The following PTPRN2 variants were observed in gnomAD, a reference collection of about 807,000 sequenced individuals.
PTPRN2 encodes protein tyrosine phosphatase receptor type N2.
Under a neutral mutation model 118.8 loss-of-function variants are expected in PTPRN2, and 74 were observed. The observed-to-expected ratio is 0.62, with a 90% confidence interval of 0.52 to 0.76. The LOEUF is 0.76. Ranked by LOEUF, PTPRN2 falls within the 30% of genes least tolerant of loss-of-function variation. The pLI is 0.00. For missense variants in PTPRN2, 1,481 were observed against 1,394.4 expected, an observed-to-expected ratio of 1.06 and a Z score of -0.99; for synonymous variants, 641 against 608.0, an observed-to-expected ratio of 1.05 and a Z score of -0.80.
intron 2 of PTPRN2, among the ~76,000 whole-genome samples, chr7:158,370,967 T>C (rs531017198): frequency 2.6e-5 from 4 of 152,312 alleles, no homozygotes; most frequent in East Asian, 1.9e-4. Flanking sequence ...AAACGAACTA[T>C]CACAATGAAA....
At position 157,619,469 on chromosome 7, in the gene PTPRN2, C is replaced by A. The variant is rs568545377; in HGVS notation, c.2344+1893G>T. Among the ~76,000 whole-genome samples, 8 of 152,306 alleles carry A rather than the reference C, an allele frequency of 5.3e-5. No homozygotes were observed. In the South Asian group the frequency reaches 1.5e-3, roughly 28 times the overall value. ...TCCTCTCTGAGGACAGTGGCCAGGCCCCCAGAGCCTGTTAGTAGCCCCCGA... is the reference window on the plus strand; with the variant it reads ...TCCTCTCTGAGGACAGTGGCCAGGCACCCAGAGCCTGTTAGTAGCCCCCGA... On this transcript the variant is annotated intron_variant, in intron 15 of 22. Transcript: ENST00000389418. This position sits in a 1 kb window ranked among gnomAD's most constrained non-coding sequence, Gnocchi z 5.3.
intron 1 of PTPRN2, among the ~76,000 whole-genome samples, chr7:158,585,511 C>G (rs777851124): frequency 6.6e-6 from 1 of 152,194 alleles, no homozygotes; most frequent in African/African-American, 2.4e-5. Flanking sequence ...CCAGTGACAC[C>G]GTGATCAGAG....
At chr7:158,334,112 T>A (rs1443735036) in intron 2 of PTPRN2, among the ~76,000 whole-genome samples, 2 of 54,874 alleles carry the variant, frequency 3.6e-5, no homozygotes, top group Non-Finnish European at 7.9e-5. Flanking sequence ...CCTGCAGACG[T>A]CACTCACACC....
At chr7:158,034,985 C>T (rs1807992678) in intron 11 of PTPRN2, among the ~76,000 whole-genome samples, 1 of 152,246 alleles carries the variant, frequency 6.6e-6, no homozygotes, top group East Asian at 1.9e-4. Flanking sequence ...CTGAGCAAAA[C>T]ATTAGAAAGC....
In PTPRN2 at chr7:158,302,720, T is replaced by C. The variant is rs564196112; in HGVS notation, c.277+14099A>G. Among the ~76,000 whole-genome samples the C allele has an allele frequency of 8.3e-4, 127 of 152,386 alleles. 1 individual carries two copies. The highest frequency in any genetic ancestry group is 2.4e-3 in the Admixed American group (36 of 15,312). ...CATCCGGACTCCAAGGCCACCCTGT[T>C]GTCTCTCCACAATCAATGCTCAGAG... On this transcript the variant is annotated intron_variant, in intron 3 of 22. Coordinates refer to ENST00000389418, the MANE Select transcript of PTPRN2 (RefSeq NM_002847.5).
intron 2 of PTPRN2, among the ~76,000 whole-genome samples, chr7:158,374,911 C>G (rs182576817): frequency 1.3e-5 from 2 of 152,262 alleles, no homozygotes; most frequent in Non-Finnish European, 1.5e-5. Context: ...TACTTCAAGT[C>G]TACAGATTTC....
chr7:158,389,740 G>A (rs538434715), intron 2 of PTPRN2, among the ~76,000 whole-genome samples: 6 of 152,350 alleles, frequency 3.9e-5, no homozygotes, highest in African/African-American at 1.2e-4. Flanking sequence ...ATCATCACGC[G>A]TCGCATTCCC....
intron 1 of PTPRN2, among the ~76,000 whole-genome samples, chr7:158,518,964 G>T (rs1823775641): frequency 6.6e-6 from 1 of 152,114 alleles, no homozygotes; most frequent in Non-Finnish European, 1.5e-5. Flanking sequence ...CAGCCTGGGT[G>T]ACAAAGCAAA....
intron 13 of PTPRN2, among the ~76,000 whole-genome samples, chr7:157,679,085 G>A (rs1263551): frequency 0.065 from 9,951 of 151,978 alleles, 486 homozygotes; most frequent in East Asian, 0.22. Context: ...GTGTGTGTGT[G>A]TACATGTGTG....
intron 1 of PTPRN2, among the ~76,000 whole-genome samples, chr7:158,584,504 C>G (rs1189865761): frequency 6.6e-6 from 1 of 152,164 alleles, no homozygotes; most frequent in African/African-American, 2.4e-5. Context: ...TGGCTACAAG[C>G]AAAGCTGAAT....
chr7:157,581,946 G>A (rs750938624), intron 17 of PTPRN2, among the ~76,000 whole-genome samples: 1 of 152,148 alleles, frequency 6.6e-6, no homozygotes, highest in African/African-American at 2.4e-5. Flanking sequence ...GGCCACCCAC[G>A]CCACACCCCT....
intron 2 of PTPRN2, among the ~76,000 whole-genome samples, chr7:158,439,080 T>G (rs1816783278): frequency 6.6e-6 from 1 of 152,198 alleles, no homozygotes; most frequent in African/African-American, 2.4e-5. Flanking sequence ...ATGCAAACTT[T>G]TGTCTCTTAT....
intron 2 of PTPRN2, among the ~76,000 whole-genome samples, chr7:158,407,550 C>G (rs372184596): frequency 3.5e-4 from 3 of 8,484 alleles, no homozygotes; most frequent in Non-Finnish European, 6.8e-4. Context: ...CTGCGTCCTG[C>G]GTCCTGGGTC....
At position 157,560,538 on chromosome 7, in the gene PTPRN2, G is replaced by A. The variant is rs1028833324; in HGVS notation, c.2902+8364C>T. On this transcript the variant is annotated intron_variant, in intron 21 of 22. Coordinates refer to ENST00000389418, the MANE Select transcript of PTPRN2 (RefSeq NM_002847.5). This position sits in a 1 kb window ranked among gnomAD's most constrained non-coding sequence, Gnocchi z 6.7. ...GGGACAGGGCACTGCAGACCGGCCC[G>A]GGAACCTGGGGACACCTCACGCCCC... 2.6e-5 allele frequency among the ~76,000 whole-genome samples: 4 copies of A among 152,126 alleles called. No individual in the cohort carries two copies. The highest frequency in any genetic ancestry group is 2.6e-4 in the Admixed American group (4 of 15,276).
intron 1 of PTPRN2, among the ~76,000 whole-genome samples, chr7:158,514,502 T>C (rs1586840474): frequency 6.6e-6 from 1 of 152,316 alleles, no homozygotes; most frequent in East Asian, 1.9e-4. Flanking sequence ...ATCTCAGCTG[T>C]GTCCACTTAG....
chr7:157,965,759 G>A (rs955576607), intron 11 of PTPRN2, among the ~76,000 whole-genome samples: 8 of 152,178 alleles, frequency 5.3e-5, no homozygotes, highest in African/African-American at 1.9e-4. Flanking sequence ...ACATTTAGAT[G>A]CTCAGATAGC....
At chr7:158,378,103 T>G (rs958543421) in intron 2 of PTPRN2, among the ~76,000 whole-genome samples, 1 of 152,182 alleles carries the variant, frequency 6.6e-6, no homozygotes, top group African/African-American at 2.4e-5. Context: ...TCCTGACTCC[T>G]CCAGCTGTGC....
At chr7:157,639,788 C>A (rs1023739240) in intron 14 of PTPRN2, among the ~76,000 whole-genome samples, 1 of 152,342 alleles carries the variant, frequency 6.6e-6, no homozygotes, top group Non-Finnish European at 1.5e-5. Flanking sequence ...AACAACCACA[C>A]CCTTAGCAAA....
At chr7:158,587,517 T>C (rs1357741268) in intron 1 of PTPRN2, 41 bp downstream of exon 1, 2 of 967,872 alleles carry the variant, frequency 2.1e-6, no homozygotes, top group Non-Finnish European at 1.2e-6. Flanking sequence ...CGCCCCCAAC[T>C]AATTCATTGA....
Sources: gnomAD v4.1 joint callset for allele counts (sites outside exome capture counted in the v4.1 genomes callset) on GRCh38, gnomAD v4.1.1 for gene constraint, Gnocchi (gnomAD v3.1) non-coding constraint, MANE v1.5 for transcripts, NCBI Gene and HGNC (gene_info 2026-07-23, HGNC 2026-07-21) for gene names.